Variants in STARD13 observed in about 807,000 individuals in gnomAD.
STARD13 encodes the protein StAR related lipid transfer domain containing 13.
Under a neutral mutation model 106.4 loss-of-function variants are expected in STARD13, and 62 were observed. The ratio of observed to expected loss-of-function variants is 0.58; its 90% CI spans 0.48 to 0.72. The LOEUF (loss-of-function observed/expected upper bound fraction) is 0.72, where lower values mean the gene tolerates loss of function less well. Ranked by LOEUF, STARD13 falls within the 30% of genes least tolerant of loss-of-function variation. The pLI is 0.00. For missense variants in STARD13, 1,387 were observed against 1,424.0 expected (o/e 0.97, Z 0.42); for synonymous variants, 565 against 553.0 (o/e 1.02, Z -0.31).
At chr13:33,620,940 G>A in the STARD13 span, among the ~76,000 whole-genome samples, 1,243 of 151,802 alleles carry the variant, frequency 8.2e-3, 13 homozygotes, top group African/African-American at 0.025. Flanking sequence ...TTTGAATTAA[G>A]TAATAATGAA....
At position 33,129,921 on chromosome 13, in the gene STARD13, C is replaced by T. The variant is rs138747846; in HGVS notation, c.756G>A (p.Thr252=). The change falls in exon 5 of 14, where the codon ACG becomes ACA. Residue 252 remains threonine, a synonymous_variant. Transcript: ENST00000336934. ...TCAAAAATGATTTGGCCCTAGCCCTCGTGGGCTTCTCATTCTTGGGGTGGA... is the reference window on the plus strand; with the variant it reads ...TCAAAAATGATTTGGCCCTAGCCCTTGTGGGCTTCTCATTCTTGGGGTGGA... ...HPFHPKNEKP[T]RARAKSFLKR... 1.1e-4 allele frequency: 175 copies of T among 1,613,366 alleles called. No individual in the cohort carries two copies. Among genetic ancestry groups the T allele is most frequent in the Non-Finnish European group, 1.4e-4 (170 of 1,180,018 alleles).
chr13:33,607,513 G>A, the STARD13 span, among the ~76,000 whole-genome samples: 1 of 151,804 alleles, frequency 6.6e-6, no homozygotes, highest in Non-Finnish European at 1.5e-5. Flanking sequence ...AGCCAGGATG[G>A]TCTGGATCTC....
chr13:33,459,395 G>T, the STARD13 span, among the ~76,000 whole-genome samples: 2 of 152,142 alleles, frequency 1.3e-5, no homozygotes, highest in African/African-American at 4.8e-5. Flanking sequence ...TTAGCATAAT[G>T]CATTTGACAT....
At chr13:33,345,526 A>G (rs1282457691), downstream of STARD13, among the ~76,000 whole-genome samples, 3 of 152,160 alleles carry the variant, frequency 2.0e-5, no homozygotes, top group East Asian at 1.9e-4. Flanking sequence ...CTAAACAATT[A>G]CCATCATTAT....
chr13:33,486,238 A>C, the STARD13 span, among the ~76,000 whole-genome samples: 1 of 152,114 alleles, frequency 6.6e-6, no homozygotes. Flanking sequence ...GCTTGTTAAC[A>C]AAGTAAAGGG....
At chr13:33,272,560 C>T (rs1313177568) in intron 1 of STARD13, 1 of 152,152 alleles carries the variant, frequency 6.6e-6, no homozygotes, top group Non-Finnish European at 1.5e-5. Flanking sequence ...CCATGACAAA[C>T]CCTGAGTCTT....
chr13:33,198,449 C>T (rs1037681681), intron 1 of STARD13, among the ~76,000 whole-genome samples: 4 of 151,862 alleles, frequency 2.6e-5, no homozygotes, highest in Non-Finnish European at 5.9e-5. Flanking sequence ...CTGCCTAAAG[C>T]CTCCTTCCTT....
the STARD13 span, among the ~76,000 whole-genome samples, chr13:33,561,553 G>A: frequency 6.6e-6 from 1 of 151,362 alleles, no homozygotes; most frequent in African/African-American, 2.5e-5. Flanking sequence ...TTACAAATTG[G>A]ATTTTAAAGA....
At chr13:33,231,021 G>A (rs1250848774) in intron 1 of STARD13, among the ~76,000 whole-genome samples, 1 of 152,224 alleles carries the variant, frequency 6.6e-6, no homozygotes, top group Admixed American at 6.5e-5. Flanking sequence ...TAGCTTAGAA[G>A]GAGATAGAGT....
chr13:33,176,071 G>T (rs1254010383), intron 1 of STARD13, among the ~76,000 whole-genome samples: 1 of 152,146 alleles, frequency 6.6e-6, no homozygotes, highest in African/African-American at 2.4e-5. Flanking sequence ...GGTTGACATG[G>T]CAAGATAGAT....
chr13:33,289,274 A>G (rs1241795859), upstream of STARD13, among the ~76,000 whole-genome samples: 1 of 152,212 alleles, frequency 6.6e-6, no homozygotes, highest in Non-Finnish European at 1.5e-5. Context: ...CAGTAAGACT[A>G]TTTCAGGAGT....
chr13:33,254,281 G>A (rs1890230431), intron 1 of STARD13, among the ~76,000 whole-genome samples: 1 of 152,182 alleles, frequency 6.6e-6, no homozygotes, highest in Admixed American at 6.5e-5. Flanking sequence ...GGGGTAGTCA[G>A]GACAATAGGC....
chr13:33,122,807 C>A (rs1288495241), intron 7 of STARD13, among the ~76,000 whole-genome samples: 1 of 152,058 alleles, frequency 6.6e-6, no homozygotes, highest in Non-Finnish European at 1.5e-5. Context: ...GTAATCCCAG[C>A]ACTTAGGGAG....
In STARD13 at chr13:33,342,514, GA is replaced by G. The variant is rs548754612; in HGVS notation, c.124+7775del. Among the ~76,000 whole-genome samples, 1,439 of 151,792 alleles carry G rather than the reference GA, an allele frequency of 9.5e-3. 33 individuals are homozygous for G. The highest frequency in any genetic ancestry group is 0.033 in the African/African-American group (1,358 of 41,408). Reference sequence around the variant, plus strand: ...TAAATTAAAAAGGCATTTGATCAGTGAGGGTTTTTTTATAGTTTGTTTTTTT... The same window carrying G: ...TAAATTAAAAAGGCATTTGATCAGTGGGGTTTTTTTATAGTTTGTTTTTTT... On this transcript the variant is annotated intron_variant, in intron 1 of 5. Transcript: ENST00000567873.
the STARD13 span, among the ~76,000 whole-genome samples, chr13:33,437,493 A>T: frequency 6.6e-6 from 1 of 152,214 alleles, no homozygotes; most frequent in Non-Finnish European, 1.5e-5. Context: ...AAAACGGAGC[A>T]AAGCTCTTGG....
At chr13:33,326,011 A>G (rs1018597722) in intron 1 of STARD13, among the ~76,000 whole-genome samples, 2 of 143,570 alleles carry the variant, frequency 1.4e-5, no homozygotes, top group African/African-American at 5.1e-5. Flanking sequence ...AAAAAAGAGC[A>G]GAAAAGTGAA....
chr13:33,285,699 C>G lies in STARD13; in HGVS notation c.-61G>C, dbSNP rs1339174799. 1.3e-6 allele frequency: 2 copies of G among 1,594,678 alleles called. No homozygotes were observed. The highest frequency in any genetic ancestry group is 1.7e-6 in the Non-Finnish European group (2 of 1,172,332). ...GTGGCTGTTGCCGTCTGTCTCCAGT[C>G]TCAGTCAAAGAGCAAGGCACCCAGC... On this transcript the variant is annotated 5_prime_UTR_variant, in exon 1 of 14. Coordinates refer to ENST00000336934, the MANE Select transcript of STARD13 (RefSeq NM_178006.4).
In STARD13 at chr13:33,105,315, G is replaced by A; in HGVS notation, c.*278C>T. On this transcript the variant is annotated 3_prime_UTR_variant, in exon 14 of 14. Transcript: ENST00000336934. The stretch of plus-strand genomic sequence containing the variant: ...TTAGAAGCCTTTAAATAGCAAATTA[G>A]GCAATGCACAAGGAATAGTCCATTT... 1 of 365,904 alleles carries A rather than the reference G, an allele frequency of 2.7e-6. No homozygotes were observed. Among genetic ancestry groups the A allele is most frequent in the Non-Finnish European group, 5.0e-6 (1 of 200,138 alleles). 22.7% of individuals were successfully genotyped at this position (365,904 alleles called of 1,614,324 possible). A position where few individuals can be genotyped will look rare whatever the true frequency, so the allele number is the denominator to read the frequency against.
At chr13:33,266,421 C>A (rs1890899808) in intron 1 of STARD13, among the ~76,000 whole-genome samples, 1 of 152,206 alleles carries the variant, frequency 6.6e-6, no homozygotes, top group Non-Finnish European at 1.5e-5. Context: ...TGTCCTATTT[C>A]TGCTCTACTT....
Sources: gnomAD v4.1 joint callset for allele counts (sites outside exome capture counted in the v4.1 genomes callset) on GRCh38, gnomAD v4.1.1 for gene constraint, MANE v1.5 for transcripts, NCBI Gene and HGNC (gene_info 2026-07-23, HGNC 2026-07-21) for gene names.